The following LINGO2 variants were observed in gnomAD, a reference collection of about 807,000 sequenced individuals.
LINGO2 encodes the protein leucine-rich repeat and immunoglobulin-like domain-containing nogo receptor-interacting protein 2.
A neutral mutation model predicts 30.6 loss-of-function variants in LINGO2; 14 were observed. That is an observed-to-expected ratio of 0.46 (90% CI 0.30 to 0.72). The LOEUF is 0.72. LINGO2 is among the 30% of genes least tolerant of loss of function. The pLI, the probability that LINGO2 is intolerant of heterozygous loss-of-function variation, is 0.07. For missense variants in LINGO2, 729 were observed against 751.7 expected, an observed-to-expected ratio of 0.97 and a Z score of 0.35; for synonymous variants, 317 against 288.5, an observed-to-expected ratio of 1.10 and a Z score of -1.00.
At chr9:29,017,946 C>T in the LINGO2 span, among the ~76,000 whole-genome samples, 1 of 151,616 alleles carries the variant, frequency 6.6e-6, no homozygotes, top group Non-Finnish European at 1.5e-5. Flanking sequence ...GATTGCTCTA[C>T]TCTCTCTCAC....
At chr9:28,856,932 T>C in the LINGO2 span, among the ~76,000 whole-genome samples, 2 of 152,030 alleles carry the variant, frequency 1.3e-5, no homozygotes, top group East Asian at 1.9e-4. Context: ...CGTTTGGTGA[T>C]GGGAGATGAA....
chr9:28,800,980 A>T, the LINGO2 span, among the ~76,000 whole-genome samples: 8 of 152,096 alleles, frequency 5.3e-5, no homozygotes, highest in African/African-American at 1.9e-4. Context: ...GTTGAGCAAC[A>T]TGGCATGATT....
the LINGO2 span, among the ~76,000 whole-genome samples, chr9:29,197,139 G>A: frequency 6.6e-6 from 1 of 151,984 alleles, no homozygotes. Context: ...TGTAATAGTA[G>A]TCACACTCTA....
chr9:28,975,365 G>A, the LINGO2 span, among the ~76,000 whole-genome samples: 6 of 152,168 alleles, frequency 3.9e-5, no homozygotes, highest in Non-Finnish European at 7.3e-5. Flanking sequence ...GACTCAGATG[G>A]TTAATGTAAT....
the LINGO2 span, among the ~76,000 whole-genome samples, chr9:29,073,666 C>T: frequency 1.3e-5 from 2 of 152,056 alleles, no homozygotes; most frequent in Non-Finnish European, 2.9e-5. Context: ...AAACTATATG[C>T]CCCACATACT....
intron 1 of LINGO2, among the ~76,000 whole-genome samples, chr9:28,649,851 C>G (rs1162252084): frequency 1.3e-5 from 2 of 151,654 alleles, no homozygotes; most frequent in South Asian, 2.1e-4. Flanking sequence ...AAGGAAAAAC[C>G]AAAGAGAGAG....
chr9:28,186,529 A>G (rs1471893358), intron 4 of LINGO2, among the ~76,000 whole-genome samples: 1 of 152,044 alleles, frequency 6.6e-6, no homozygotes, highest in Non-Finnish European at 1.5e-5. Flanking sequence ...ATGCAAAAAT[A>G]TAAGAGTGTT....
chr9:28,529,263 A>C (rs1021360989), intron 1 of LINGO2, among the ~76,000 whole-genome samples: 2 of 152,128 alleles, frequency 1.3e-5, no homozygotes, highest in African/African-American at 2.4e-5. Context: ...ATTTATCTGA[A>C]ATGGAATTCA....
chr9:28,875,244 C>T, the LINGO2 span, among the ~76,000 whole-genome samples: 1 of 151,854 alleles, frequency 6.6e-6, no homozygotes, highest in African/African-American at 2.4e-5. Context: ...TACCTGTATA[C>T]AACACTAATA....
chr9:28,092,552 G>T (rs1000969750), intron 4 of LINGO2, among the ~76,000 whole-genome samples: 5 of 147,032 alleles, frequency 3.4e-5, no homozygotes, highest in African/African-American at 5.0e-5. Flanking sequence ...GTTGTGCGGT[G>T]GGGGGGAGGG....
intron 1 of LINGO2, among the ~76,000 whole-genome samples, chr9:28,495,400 A>G (rs1819570992): frequency 6.6e-6 from 1 of 152,172 alleles, no homozygotes; most frequent in African/African-American, 2.4e-5. Context: ...CGTATAAGGT[A>G]TAAGGAAGGG....
At chr9:29,055,765 C>T in the LINGO2 span, among the ~76,000 whole-genome samples, 1,103 of 152,062 alleles carry the variant, frequency 7.3e-3, 10 homozygotes, top group Non-Finnish European at 0.01. Context: ...ATTCTGATGT[C>T]TTCGCGTCCT....
At chr9:28,133,859 A>G (rs1470512066) in intron 4 of LINGO2, among the ~76,000 whole-genome samples, 1 of 152,138 alleles carries the variant, frequency 6.6e-6, no homozygotes, top group African/African-American at 2.4e-5. Flanking sequence ...TTTAAATGCC[A>G]TCCATCATTT....
Position 28,148,980 on chromosome 9 carries a change from T to G in LINGO2, c.-86-136575A>C, listed in dbSNP as rs1444508456. 63 of 1,534,048 alleles carry G rather than the reference T, an allele frequency of 4.1e-5. No individual in the cohort carries two copies. The highest frequency in any genetic ancestry group is 5.5e-5 in the Non-Finnish European group (63 of 1,146,792). The stretch of plus-strand genomic sequence containing the variant: ...AAAAGAAAACTGTCGGGGCCACCGC[T>G]GCAGCTGCAACCGACCCCTCCCCTG... On this transcript the variant is annotated intron_variant, in intron 4 of 5. Transcript: ENST00000379992. This position sits in a 1 kb window ranked among gnomAD's most constrained non-coding sequence, Gnocchi z 5.1.
chr9:28,235,121 G>A (rs1197957464), intron 4 of LINGO2, among the ~76,000 whole-genome samples: 3 of 152,114 alleles, frequency 2.0e-5, no homozygotes, highest in Admixed American at 6.5e-5. Flanking sequence ...AGTGGTGGTG[G>A]CCACAAGGGT....
intron 1 of LINGO2, among the ~76,000 whole-genome samples, chr9:28,503,324 CATT>C: frequency 6.6e-6 from 1 of 152,042 alleles, no homozygotes; most frequent in East Asian, 1.9e-4. Flanking sequence ...TAAGACATGT[CATT>C]ATAGTTGATG....
At chr9:28,055,093 C>G (rs138830587) in intron 4 of LINGO2, among the ~76,000 whole-genome samples, 286 of 152,196 alleles carry the variant, frequency 1.9e-3, no homozygotes, top group African/African-American at 6.7e-3. Context: ...TTTCCAAAAA[C>G]CGGAGAATGC....
At chr9:27,948,763 CTGCCTCTTAATCTAGTAATTTACTG>C in exon 6 of LINGO2, 1 of 1,444,606 alleles carries the variant, frequency 6.9e-7, no homozygotes, top group Non-Finnish European at 9.4e-7. Flanking sequence ...CTGCACATGG[CTGCCTCTTAATCTAGTAATTTACTG>C]TGCCATACTG....
At chr9:28,999,437 A>C in the LINGO2 span, among the ~76,000 whole-genome samples, 1 of 152,076 alleles carries the variant, frequency 6.6e-6, no homozygotes, top group Admixed American at 6.6e-5. Flanking sequence ...ATACTATCTG[A>C]CTTATTTCTG....
Sources: allele counts gnomAD v4.1 joint callset (sites outside exome capture counted in the v4.1 genomes callset), GRCh38; gene constraint gnomAD v4.1.1; non-coding constraint Gnocchi (gnomAD v3.1); transcripts MANE v1.5; gene names NCBI Gene and HGNC (gene_info 2026-07-23, HGNC 2026-07-21).